The following DLGAP1 variants were observed in gnomAD, a reference collection of about 807,000 sequenced individuals.
DLGAP1 encodes the protein disks large-associated protein 1.
DLGAP1 carries 11 observed loss-of-function variants against 90.8 expected under a neutral mutation model. That is an observed-to-expected ratio of 0.12 (90% CI 0.08 to 0.20). DLGAP1 has a LOEUF of 0.20. Ranked by LOEUF, DLGAP1 falls within the 10% of genes least tolerant of loss-of-function variation. The probability of loss-of-function intolerance (pLI) is 1.00; values close to 1 mark genes in which losing one functional copy is unlikely to be tolerated. For synonymous variants in DLGAP1, 558 were observed against 540.7 expected, an observed-to-expected ratio of 1.03 and a Z score of -0.44; for missense variants, 1,050 against 1,333.8, an observed-to-expected ratio of 0.79 and a Z score of 3.31.
chr18:3,854,830 T>C (rs1241476493), intron 4 of DLGAP1, among the ~76,000 whole-genome samples: 1 of 152,146 alleles, frequency 6.6e-6, no homozygotes, highest in African/African-American at 2.4e-5. Context: ...AGCTGGTACT[T>C]TGATAGAAGT....
intron 4 of DLGAP1, among the ~76,000 whole-genome samples, chr18:3,844,319 T>C (rs577637649): frequency 8.5e-5 from 13 of 152,370 alleles, no homozygotes; most frequent in African/African-American, 3.1e-4. Flanking sequence ...TTAGTTATAA[T>C]TTCCATTTTT....
intron 1 of DLGAP1, among the ~76,000 whole-genome samples, chr18:4,408,010 G>T (rs1049579151): frequency 1.3e-5 from 2 of 152,152 alleles, no homozygotes; most frequent in African/African-American, 2.4e-5. Flanking sequence ...TTTTGTCAAA[G>T]AATTTAGAGT....
chr18:4,442,290 G>T (rs2658246), intron 1 of DLGAP1, among the ~76,000 whole-genome samples: 100,398 of 151,884 alleles, frequency 0.66, 33,583 homozygotes, highest in East Asian at 0.74. Context: ...GAGCCACTTT[G>T]CCCAGCCCTG....
At chr18:4,430,192 T>C (rs1380239886) in intron 1 of DLGAP1, among the ~76,000 whole-genome samples, 1 of 152,128 alleles carries the variant, frequency 6.6e-6, no homozygotes, top group Non-Finnish European at 1.5e-5. Flanking sequence ...AGATGGATGG[T>C]GTGGTTAGGG....
At chr18:4,290,652 AT>A (rs796511216) in intron 1 of DLGAP1, among the ~76,000 whole-genome samples, 7 of 152,332 alleles carry the variant, frequency 4.6e-5, no homozygotes, top group African/African-American at 1.7e-4. Flanking sequence ...TAAATTGTTG[AT>A]TAAAGTCCAA....
intron 2 of DLGAP1, among the ~76,000 whole-genome samples, chr18:4,105,090 A>G (rs2075837671): frequency 6.6e-6 from 1 of 152,198 alleles, no homozygotes; most frequent in Admixed American, 6.5e-5. Flanking sequence ...AACAAGGTCC[A>G]CTGCATAAAA....
At chr18:3,554,859 G>A (rs1210317410) in intron 9 of DLGAP1, among the ~76,000 whole-genome samples, 2 of 152,054 alleles carry the variant, frequency 1.3e-5, no homozygotes, top group African/African-American at 4.8e-5. Flanking sequence ...GAGTCCCTTG[G>A]CCTCTTACAA....
chr18:3,556,213 C>G (rs74856034), intron 9 of DLGAP1, among the ~76,000 whole-genome samples: 2,316 of 152,280 alleles, frequency 0.015, 56 homozygotes, highest in African/African-American at 0.053. Flanking sequence ...ACCCCTTCCC[C>G]CGACACACAC....
intron 1 of DLGAP1, among the ~76,000 whole-genome samples, chr18:4,167,418 C>T (rs1465274930): frequency 6.6e-6 from 1 of 152,106 alleles, no homozygotes; most frequent in Non-Finnish European, 1.5e-5. Flanking sequence ...AAGAGAGGGA[C>T]ATATCACAAT....
intron 3 of DLGAP1, among the ~76,000 whole-genome samples, chr18:3,928,362 C>A (rs2072440064): frequency 6.6e-6 from 1 of 152,126 alleles, no homozygotes; most frequent in Non-Finnish European, 1.5e-5. Context: ...ATATTTCTCA[C>A]CTCAGTAATT....
intron 1 of DLGAP1, among the ~76,000 whole-genome samples, chr18:4,236,490 A>G (rs1003492753): frequency 6.6e-6 from 1 of 152,154 alleles, no homozygotes; most frequent in South Asian, 2.1e-4. Context: ...AACGCTTAGG[A>G]ATTTGTTCAC....
rs529385258 is a variant in DLGAP1 at position 4,321,998 on chromosome 18, G to A, written c.-267+133008C>T. Among the ~76,000 whole-genome samples, 5 of 151,856 alleles carry A rather than the reference G, an allele frequency of 3.3e-5. No individual in the cohort carries two copies. The East Asian group carries it at 5.8e-4, about 18-fold the overall frequency. ...GGATCACATGAGGTCTCAGGAGTTC[G>A]AGACCAGCCTGGTCAACGTGGTGAA... On this transcript the variant is annotated intron_variant, in intron 1 of 12. Coordinates refer to ENST00000315677, the MANE Select transcript of DLGAP1 (RefSeq NM_004746.4).
chr18:4,110,057 C>T (rs947339848), intron 2 of DLGAP1, among the ~76,000 whole-genome samples: 3 of 151,850 alleles, frequency 2.0e-5, no homozygotes, highest in South Asian at 2.1e-4. Flanking sequence ...CATTGCTTAA[C>T]GATGGGGATA....
chr18:4,072,492 A>G (rs946579634), intron 2 of DLGAP1, among the ~76,000 whole-genome samples: 1 of 147,030 alleles, frequency 6.8e-6, no homozygotes, highest in Non-Finnish European at 1.5e-5. Context: ...TTTTTTTGAG[A>G]CGGAGTCATC....
chr18:3,912,203 G>A (rs1026496441), intron 3 of DLGAP1, among the ~76,000 whole-genome samples: 1 of 152,112 alleles, frequency 6.6e-6, no homozygotes, highest in Admixed American at 6.6e-5. Flanking sequence ...AAGATTTCTT[G>A]TGCTCCCAAC....
intron 3 of DLGAP1, among the ~76,000 whole-genome samples, chr18:3,908,231 G>C (rs1175218342): frequency 6.6e-6 from 1 of 152,108 alleles, no homozygotes; most frequent in East Asian, 1.9e-4. Context: ...AATATACAAA[G>C]AGACAGTGTA....
At chr18:3,774,192 A>G (rs1295277649) in intron 5 of DLGAP1, 2 of 152,136 alleles carry the variant, frequency 1.3e-5, no homozygotes, top group Admixed American at 6.5e-5. Context: ...AAAAGCTGAG[A>G]TTTCCTGTTA....
rs534217239 is a variant in DLGAP1, at chr18:4,258,742, T to TTGTA, written c.-266-107459_-266-107456dup. On this transcript the variant is annotated intron_variant, in intron 1 of 12. Coordinates refer to ENST00000315677, the MANE Select transcript of DLGAP1 (RefSeq NM_004746.4). ...TTCATTACGGCAATACTGCTCCTTA[T>TTGTA]TGTAGTGCATTTACTCAAATAGAAA... is the stretch of plus-strand genomic sequence containing the variant. Among the ~76,000 whole-genome samples the TTGTA allele has an allele frequency of 2.9e-4, 44 of 152,044 alleles. 1 individual carries two copies. The highest frequency in any genetic ancestry group is 9.9e-4 in the African/African-American group (41 of 41,294).
intron 2 of DLGAP1, among the ~76,000 whole-genome samples, chr18:4,059,422 T>C (rs540135656): frequency 6.6e-6 from 1 of 152,308 alleles, no homozygotes; most frequent in Admixed American, 6.5e-5. Context: ...TAACACTGTT[T>C]GGCCTAAAAA....
Sources: gnomAD v4.1 joint callset for allele counts (sites outside exome capture counted in the v4.1 genomes callset) on GRCh38, gnomAD v4.1.1 for gene constraint, MANE v1.5 for transcripts, NCBI Gene and HGNC (gene_info 2026-07-23, HGNC 2026-07-21) for gene names.